The following HM13 variants were observed in gnomAD, a reference collection of about 807,000 sequenced individuals.
HM13 encodes the protein histocompatibility minor 13.
HM13 carries 18 observed loss-of-function variants against 50.0 expected under a neutral mutation model. The ratio of observed to expected loss-of-function variants is 0.36; its 90% CI spans 0.25 to 0.53. The LOEUF is 0.53. Ranked by LOEUF, HM13 falls within the 20% of genes least tolerant of loss-of-function variation. The pLI is 0.90. For missense variants in HM13, 393 were observed against 552.4 expected (o/e 0.71, Z 2.89); for synonymous variants, 197 against 232.6 (o/e 0.85, Z 1.39).
At chr20:31,556,292 C>T (rs1166000168) in intron 8 of HM13, among the ~76,000 whole-genome samples, 2 of 152,010 alleles carry the variant, frequency 1.3e-5, no homozygotes, top group Non-Finnish European at 2.9e-5. Flanking sequence ...CCTACCTCGG[C>T]CCCCACAAAG....
At chr20:31,566,909 G>A (rs913829403) in intron 11 of HM13, among the ~76,000 whole-genome samples, 2 of 152,110 alleles carry the variant, frequency 1.3e-5, no homozygotes, top group Admixed American at 1.3e-4. Flanking sequence ...TCTGCCCCCA[G>A]CACTGCCGAC....
At chr20:31,540,086 A>C (rs1600641127) in intron 3 of HM13, 1 of 152,458 alleles carries the variant, frequency 6.6e-6, no homozygotes, top group Non-Finnish European at 1.5e-5. Flanking sequence ...TGGCTGGCCC[A>C]GGGTTACACA....
In HM13 at chr20:31,516,933, T is replaced by C. The variant is rs542820089; in HGVS notation, c.183+2199T>C. Reference sequence around the variant, plus strand: ...ATCCTCATTGTACAGGAAAAGAAACTGAGAGTCAAAGAAATGACTTCTGAA... The same window carrying C: ...ATCCTCATTGTACAGGAAAAGAAACCGAGAGTCAAAGAAATGACTTCTGAA... On this transcript the variant is annotated intron_variant, in intron 1 of 12. Transcript: ENST00000398174. Among the ~76,000 whole-genome samples the C allele has an allele frequency of 1.0e-3, 158 of 152,314 alleles. 1 individual carries two copies. The highest frequency in any genetic ancestry group is 3.4e-3 in the Middle Eastern group (1 of 294).
intron 2 of HM13, among the ~76,000 whole-genome samples, chr20:31,528,623 C>T (rs770676400): frequency 3.9e-5 from 6 of 152,328 alleles, no homozygotes; most frequent in African/African-American, 7.2e-5. Flanking sequence ...GGATTACAGA[C>T]GCGCGCCACC....
intron 1 of HM13, among the ~76,000 whole-genome samples, chr20:31,524,710 C>CTTTT (rs1156549702): frequency 6.3e-5 from 7 of 110,760 alleles, no homozygotes; most frequent in South Asian, 2.9e-4. Flanking sequence ...TGTTGTGTGG[C>CTTTT]TTTTTTTTTT....
In HM13 at chr20:31,569,456, G is replaced by A. The variant is rs541053654; in HGVS notation, c.*237G>A. ...GAAACCCCCAGCTTCCCCCCTCCCC[G>A]GGAGCCAGGTGGGAAAAGTGGGTGT... is the stretch of plus-strand genomic sequence containing the variant. On this transcript the variant is annotated 3_prime_UTR_variant, in exon 13 of 13. Transcript: ENST00000398174. The A allele has an allele frequency of 1.1e-4, 44 of 407,304 alleles. No homozygotes were observed. The highest frequency in any genetic ancestry group is 8.1e-4 in the African/African-American group (40 of 49,194). The allele number at this position is 407,304 out of a possible 1,614,324, so 25.2% of individuals were successfully genotyped here.
intron 1 of HM13, among the ~76,000 whole-genome samples, chr20:31,523,411 C>T (rs1301275115): frequency 6.6e-6 from 1 of 151,942 alleles, no homozygotes; most frequent in Non-Finnish European, 1.5e-5. Context: ...TACAGATGCA[C>T]ACCAGCACGC....
At chr20:31,568,283 A>G in intron 12 of HM13, 59 bp downstream of exon 12, 1 of 1,588,364 alleles carries the variant, frequency 6.3e-7, no homozygotes, top group Non-Finnish European at 8.6e-7. Flanking sequence ...GGCCCAAGGT[A>G]GGGCAGACAC....
At chr20:31,535,253 C>T (rs1388647271) in intron 2 of HM13, 1 of 152,130 alleles carries the variant, frequency 6.6e-6, no homozygotes, top group Admixed American at 6.5e-5. Flanking sequence ...CTTTATCCCA[C>T]CTTATTTAAA....
At chr20:31,556,453 G>A (rs1984320435) in intron 8 of HM13, among the ~76,000 whole-genome samples, 1 of 152,160 alleles carries the variant, frequency 6.6e-6, no homozygotes, top group Non-Finnish European at 1.5e-5. Context: ...GGGTGATACA[G>A]GCACTTCTAT....
At chr20:31,562,903 G>T (rs1405149000) in intron 10 of HM13, among the ~76,000 whole-genome samples, 1 of 152,188 alleles carries the variant, frequency 6.6e-6, no homozygotes, top group Non-Finnish European at 1.5e-5. Flanking sequence ...AGAGTGACTG[G>T]ACCTGGTTTG....
intron 11 of HM13, chr20:31,567,493 G>A (rs1237509374): frequency 6.6e-6 from 1 of 151,782 alleles, no homozygotes; most frequent in Non-Finnish European, 1.5e-5. Context: ...TTAGATTGGG[G>A]TAAAAAGCAA....
chr20:31,544,879 C>A, intron 3 of HM13, 68 bp from the exon 4 acceptor site: 1 of 1,229,842 alleles, frequency 8.1e-7, no homozygotes, highest in Non-Finnish European at 1.2e-6. Flanking sequence ...GTAAATGGGG[C>A]AGGGGTGTGT....
Position 31,514,507 on chromosome 20 carries a change from CT to C in HM13, c.-44del, listed in dbSNP as rs775810667. On this transcript the variant is annotated 5_prime_UTR_variant, in exon 1 of 13. Transcript: ENST00000398174. The surrounding 1 kb of genome is among the most constrained non-coding windows in gnomAD (Gnocchi z 4.3). ...GCCGGTGTCTCCGCCTGCGTCCCTG[CT>C]GCAGCAACCGGAGCTGGAGTCGGAT... 4.3e-5 allele frequency: 67 copies of C among 1,576,380 alleles called. 1 individual carries two copies. In the Admixed American group the frequency reaches 8.8e-4, roughly 21 times the overall value.
At chr20:31,525,206 T>G (rs896096952) in intron 1 of HM13, among the ~76,000 whole-genome samples, 2 of 152,122 alleles carry the variant, frequency 1.3e-5, no homozygotes, top group Non-Finnish European at 2.9e-5. Flanking sequence ...GAGGATTACT[T>G]AAACCCAGGA....
At position 31,568,107 on chromosome 20, in the gene HM13, A is replaced by C; in HGVS notation, c.1064A>C (p.His355Pro). The C allele has an allele frequency of 3.1e-6, 5 of 1,612,390 alleles. No individual in the cohort carries two copies. The highest frequency in any genetic ancestry group is 4.2e-6 in the Non-Finnish European group (5 of 1,179,458). ...GAGTCCTCGGCGGAAATCCTGCCTC[A>C]TACCCCGAGGCTCACCCACTTCCCC... ...SYESSAEILP[H>P]TPRLTHFPTV... Residue 355 changes from histidine (H) to proline (P), a missense_variant, in exon 12 of 13, where the codon CAT becomes CCT. This residue lies in a region of HM13 where 105 missense variants were observed against 115.9 expected (regional missense o/e 0.91). Coordinates refer to ENST00000398174, the MANE Select transcript of HM13 (RefSeq NM_178581.3).
intron 1 of HM13, among the ~76,000 whole-genome samples, chr20:31,524,808 G>A (rs769382899): frequency 6.6e-6 from 1 of 150,672 alleles, no homozygotes; most frequent in Non-Finnish European, 1.5e-5. Context: ...CCGCCTCCCG[G>A]GTTCATGCCA....
At chr20:31,568,280 G>A in intron 12 of HM13, 56 bp downstream of exon 12, 5 of 1,590,636 alleles carry the variant, frequency 3.1e-6, no homozygotes, top group East Asian at 2.3e-5. Context: ...CGGGGCCCAA[G>A]GTAGGGCAGA....
chr20:31,557,392 C>T (rs534489264), intron 8 of HM13, among the ~76,000 whole-genome samples: 3 of 152,308 alleles, frequency 2.0e-5, no homozygotes, highest in African/African-American at 7.2e-5. Flanking sequence ...CTTTCCCCAC[C>T]CTCTATATAT....
Sources: allele counts gnomAD v4.1 joint callset (sites outside exome capture counted in the v4.1 genomes callset), GRCh38; gene constraint gnomAD v4.1.1; regional missense constraint gnomAD v4.1.1; non-coding constraint Gnocchi (gnomAD v3.1); transcripts MANE v1.5; gene names NCBI Gene and HGNC (gene_info 2026-07-23, HGNC 2026-07-21).